Variants in C12orf42 observed in about 807,000 individuals in gnomAD.
C12orf42 encodes the protein uncharacterized protein C12orf42.
In C12orf42, 25 loss-of-function variants were observed where a neutral mutation model predicts 21.6. That is an observed-to-expected ratio of 1.16 (90% CI 0.84 to 1.62). The LOEUF (loss-of-function observed/expected upper bound fraction) is 1.62, where lower values mean the gene tolerates loss of function less well. C12orf42 is among the 40% of genes most tolerant of loss of function. The pLI is 0.00. For synonymous variants in C12orf42, 174 were observed against 175.0 expected, an observed-to-expected ratio of 0.99 and a Z score of 0.05; for missense variants, 483 against 459.3, an observed-to-expected ratio of 1.05 and a Z score of -0.47.
chr12:103,550,516 T>A, the C12orf42 span: 1 of 152,310 alleles, frequency 6.6e-6, no homozygotes, highest in East Asian at 1.9e-4. Flanking sequence ...CAAATTTTCT[T>A]CATTTCATTG....
chr12:103,400,336 C>T (rs1427164460), intron 3 of C12orf42, among the ~76,000 whole-genome samples: 1 of 152,192 alleles, frequency 6.6e-6, no homozygotes, highest in Admixed American at 6.5e-5. Flanking sequence ...TGCACTACTC[C>T]TTGATGTGAG....
chr12:103,136,510 T>G, the C12orf42 span, among the ~76,000 whole-genome samples: 1 of 152,132 alleles, frequency 6.6e-6, no homozygotes, highest in African/African-American at 2.4e-5. Flanking sequence ...ACAAATATAA[T>G]TTTTCACAGA....
At position 103,474,384 on chromosome 12, in the gene C12orf42, A is replaced by AAT. The variant is rs145336994; in HGVS notation, c.78+3963_78+3964dup. ...ATCAGAAAGAGAGTCTGGCTGATTG[A>AAT]ATATATATATATATATTCTTGATCT... On this transcript the variant is annotated intron_variant, in intron 2 of 5. Coordinates refer to ENST00000548883, the MANE Select transcript of C12orf42 (RefSeq NM_198521.5). Among the ~76,000 whole-genome samples, 350 of 149,566 alleles carry AAT rather than the reference A, an allele frequency of 2.3e-3. 1 individual carries two copies. Among genetic ancestry groups the AAT allele is most frequent in the Middle Eastern group, 3.5e-3 (1 of 286 alleles).
chr12:103,172,873 T>C, the C12orf42 span, among the ~76,000 whole-genome samples: 1 of 152,172 alleles, frequency 6.6e-6, no homozygotes, highest in South Asian at 2.1e-4. Flanking sequence ...ACTCGTACCC[T>C]AGGAGTTAAT....
the C12orf42 span, among the ~76,000 whole-genome samples, chr12:103,077,830 A>G: frequency 6.6e-6 from 1 of 152,200 alleles, no homozygotes; most frequent in Non-Finnish European, 1.5e-5. Flanking sequence ...CCCCAAAGTC[A>G]GTGTTAGGAA....
chr12:103,401,510 A>G, intron 3 of C12orf42, 97 bp downstream of exon 3: 3 of 1,034,034 alleles, frequency 2.9e-6, no homozygotes, highest in East Asian at 2.5e-5. Context: ...TATAAAGTCA[A>G]AAATACAAAG....
the C12orf42 span, among the ~76,000 whole-genome samples, chr12:103,507,135 T>A: frequency 5.7e-5 from 1 of 17,664 alleles, no homozygotes; most frequent in Non-Finnish European, 7.6e-5. Flanking sequence ...ATAATATATA[T>A]TATATATATA....
At chr12:103,171,070 C>A in the C12orf42 span, among the ~76,000 whole-genome samples, 1 of 152,120 alleles carries the variant, frequency 6.6e-6, no homozygotes, top group Admixed American at 6.6e-5. Flanking sequence ...CAAGTCCCTT[C>A]TTTCCTGGAG....
intron 3 of C12orf42, chr12:103,397,771 G>A (rs2047659480): frequency 6.6e-6 from 1 of 152,166 alleles, no homozygotes; most frequent in Non-Finnish European, 1.5e-5. Context: ...GCATATTAGG[G>A]TGAGAGTAAG....
At chr12:103,282,809 TG>T (rs1363254784) in intron 4 of C12orf42, among the ~76,000 whole-genome samples, 1 of 152,250 alleles carries the variant, frequency 6.6e-6, no homozygotes, top group Non-Finnish European at 1.5e-5. Context: ...TTGAGTCCTC[TG>T]TCCCAATTTT....
chr12:103,390,396 T>C (rs1438670677), intron 3 of C12orf42, among the ~76,000 whole-genome samples: 2 of 152,196 alleles, frequency 1.3e-5, no homozygotes, highest in African/African-American at 4.8e-5. Flanking sequence ...ATCACCACTA[T>C]TTCCAGAACT....
chr12:103,294,412 A>AG (rs2037023155), intron 4 of C12orf42, among the ~76,000 whole-genome samples: 5 of 138,454 alleles, frequency 3.6e-5, no homozygotes, highest in Non-Finnish European at 6.2e-5. Flanking sequence ...AAAGAAAGAA[A>AG]GAGAGAAAGG....
chr12:103,115,991 A>T, the C12orf42 span, among the ~76,000 whole-genome samples: 1 of 152,220 alleles, frequency 6.6e-6, no homozygotes, highest in African/African-American at 2.4e-5. Context: ...TGCACCTCTG[A>T]TAAGGAGAGT....
At chr12:103,466,887 C>G (rs1372426959) in intron 2 of C12orf42, among the ~76,000 whole-genome samples, 2 of 152,200 alleles carry the variant, frequency 1.3e-5, no homozygotes, top group Non-Finnish European at 2.9e-5. Context: ...TATGCTCTGG[C>G]TAGCCTGCTA....
At chr12:103,146,906 A>G in the C12orf42 span, among the ~76,000 whole-genome samples, 1 of 152,320 alleles carries the variant, frequency 6.6e-6, no homozygotes, top group South Asian at 2.1e-4. Flanking sequence ...AAACTCCTGC[A>G]TTTTGACAAA....
intron 4 of C12orf42, among the ~76,000 whole-genome samples, chr12:103,339,521 A>T (rs1413485200): frequency 6.6e-6 from 1 of 152,364 alleles, no homozygotes; most frequent in Middle Eastern, 3.4e-3. Context: ...TCCATAAAAA[A>T]GTGGACAAAG....
chr12:103,192,609 A>G, the C12orf42 span, among the ~76,000 whole-genome samples: 1 of 152,168 alleles, frequency 6.6e-6, no homozygotes, highest in Non-Finnish European at 1.5e-5. Context: ...GTAACATGAG[A>G]TAAGATAGAC....
intron 4 of C12orf42, among the ~76,000 whole-genome samples, chr12:103,332,922 G>T (rs1025520032): frequency 1.3e-5 from 2 of 152,162 alleles, no homozygotes; most frequent in Non-Finnish European, 2.9e-5. Context: ...AGAATCAAAC[G>T]AACATTTAGG....
chr12:103,061,852 A>G, the C12orf42 span, among the ~76,000 whole-genome samples: 1 of 151,580 alleles, frequency 6.6e-6, no homozygotes, highest in Admixed American at 6.6e-5. Context: ...ATATTTACTT[A>G]TATTGTTGAT....
Sources: gnomAD v4.1 joint callset for allele counts (sites outside exome capture counted in the v4.1 genomes callset) on GRCh38, gnomAD v4.1.1 for gene constraint, MANE v1.5 for transcripts, NCBI Gene and HGNC (gene_info 2026-07-23, HGNC 2026-07-21) for gene names.